The following TSEN2 variants were observed in gnomAD, a reference collection of about 807,000 sequenced individuals.
TSEN2 encodes the protein tRNA-splicing endonuclease subunit Sen2.
Under a neutral mutation model 59.2 loss-of-function variants are expected in TSEN2, and 54 were observed. That is an observed-to-expected ratio of 0.91 (90% CI 0.73 to 1.14). The LOEUF is 1.14. Ranked by LOEUF, TSEN2 falls within the 50% of genes most tolerant of loss-of-function variation. The pLI, the probability that TSEN2 is intolerant of heterozygous loss-of-function variation, is 0.00. For synonymous variants in TSEN2, 195 were observed against 198.2 expected, an observed-to-expected ratio of 0.98 and a Z score of 0.14; for missense variants, 636 against 576.2, an observed-to-expected ratio of 1.10 and a Z score of -1.06.
rs1433951857 is a variant in TSEN2 at position 12,490,000 on chromosome 3, G to A, written c.189+11G>A. On this transcript the variant is annotated intron_variant, in intron 2 of 11. Transcript: ENST00000284995. The stretch of plus-strand genomic sequence containing the variant: ...CAGCTCTATGGGAAAGTAAGTGCAG[G>A]CAGCCTTGGTAAGATTACTTTCAGA... The A allele has an allele frequency of 1.9e-6, 3 of 1,613,626 alleles. No homozygotes were observed. In the African/African-American group the frequency reaches 4.0e-5, roughly 22 times the overall value.
intron 8 of TSEN2, among the ~76,000 whole-genome samples, chr3:12,519,607 G>T (rs947795138): frequency 6.6e-6 from 1 of 152,118 alleles, no homozygotes; most frequent in African/African-American, 2.4e-5. Context: ...TTAGCTGGGC[G>T]TGGTAGCGGG....
At chr3:12,497,284 C>T (rs1329906074) in intron 4 of TSEN2, among the ~76,000 whole-genome samples, 1 of 152,252 alleles carries the variant, frequency 6.6e-6, no homozygotes, top group African/African-American at 2.4e-5. Context: ...ACCTCCTTGT[C>T]CCTGTGATAC....
chr3:12,503,215 A>T, intron 4 of TSEN2, 47 bp from the exon 5 acceptor site: 1 of 1,612,832 alleles, frequency 6.2e-7, no homozygotes, highest in Non-Finnish European at 8.5e-7. Flanking sequence ...TTGTTTTTTC[A>T]ATTTTGAAAT....
chr3:12,482,107 T>C (rs2052200095), upstream of TSEN2, among the ~76,000 whole-genome samples: 1 of 151,902 alleles, frequency 6.6e-6, no homozygotes, highest in Admixed American at 6.6e-5. Context: ...ATACCAAAGG[T>C]TGAAGGTTGT....
At chr3:12,529,009 G>A (rs2057289990) in intron 9 of TSEN2, 85 bp downstream of exon 9, 2 of 1,389,168 alleles carry the variant, frequency 1.4e-6, no homozygotes, top group East Asian at 2.3e-5. Context: ...GGTGCCATAG[G>A]AACAAAAGTC....
downstream of TSEN2, among the ~76,000 whole-genome samples, chr3:12,537,638 G>T (rs539633212): frequency 9.9e-5 from 15 of 152,244 alleles, no homozygotes; most frequent in South Asian, 6.2e-4. Context: ...TGCTGGGGTT[G>T]TCCTCTTGAC....
chr3:12,523,123 C>G (rs1161280780), intron 8 of TSEN2, among the ~76,000 whole-genome samples: 1 of 152,122 alleles, frequency 6.6e-6, no homozygotes, highest in Non-Finnish European at 1.5e-5. Flanking sequence ...CCCTATCTTC[C>G]TACCATACCT....
chr3:12,495,314 C>G (rs1163989167), intron 3 of TSEN2, among the ~76,000 whole-genome samples: 2 of 152,072 alleles, frequency 1.3e-5, no homozygotes, highest in Non-Finnish European at 2.9e-5. Context: ...ACTGCAACCT[C>G]CACCTCCTGG....
intron 8 of TSEN2, among the ~76,000 whole-genome samples, chr3:12,521,215 A>G (rs1393754024): frequency 6.6e-6 from 1 of 151,922 alleles, no homozygotes; most frequent in Non-Finnish European, 1.5e-5. Context: ...GATAATGACT[A>G]AAGGTCTGCT....
chr3:12,487,084 A>G (rs1699362), intron 1 of TSEN2, among the ~76,000 whole-genome samples: 71,688 of 152,044 alleles, frequency 0.47, 17,607 homozygotes, highest in African/African-American at 0.55. Flanking sequence ...TGTCGTAACT[A>G]TGTGTTTGAC....
At chr3:12,529,042 A>T in intron 9 of TSEN2, 118 bp downstream of exon 9, 1 of 973,564 alleles carries the variant, frequency 1.0e-6, no homozygotes, top group Non-Finnish European at 1.7e-6. Context: ...GCCTGATACG[A>T]ATAGATGCTA....
At position 12,518,555 on chromosome 3, in the gene TSEN2, G is replaced by A. The variant is rs187398854; in HGVS notation, c.961-504G>A. 7.2e-5 allele frequency among the ~76,000 whole-genome samples: 11 copies of A among 152,314 alleles called. No individual in the cohort carries two copies. The East Asian group carries it at 2.1e-3, about 29-fold the overall frequency. ...GCTGTGCAATAGAAGGACAGTGAGA[G>A]CCTCAGATGGGAGCCATGTGTATAA... On this transcript the variant is annotated intron_variant, in intron 7 of 11. Coordinates refer to ENST00000284995, the MANE Select transcript of TSEN2 (RefSeq NM_025265.4).
chr3:12,509,208 T>G (rs1207128720), intron 6 of TSEN2, among the ~76,000 whole-genome samples: 1 of 46,004 alleles, frequency 2.2e-5, no homozygotes, highest in East Asian at 2.7e-4. Context: ...TTTGTTGTTG[T>G]TTTTTTTTTT....
chr3:12,529,910 T>G (rs1479439489), intron 10 of TSEN2, 37 bp downstream of exon 10: 1 of 1,595,468 alleles, frequency 6.3e-7, no homozygotes, highest in South Asian at 1.2e-5. Context: ...GAGTGTCACT[T>G]AAATGGTTCA....
chr3:12,519,832 C>T (rs1360331564), intron 8 of TSEN2, among the ~76,000 whole-genome samples: 1 of 152,198 alleles, frequency 6.6e-6, no homozygotes, highest in East Asian at 1.9e-4. Context: ...AGTCCCTTAT[C>T]CCCGGGCCTC....
At chr3:12,489,667 C>CT (rs1222738903) in intron 1 of TSEN2, 117 bp from the exon 2 acceptor site, 3 of 802,718 alleles carry the variant, frequency 3.7e-6, no homozygotes, top group East Asian at 2.7e-5. Context: ...TATAAATACT[C>CT]TATTTCTTCC....
At position 12,529,849 on chromosome 3, in the gene TSEN2, C is replaced by G; in HGVS notation, c.1224C>G (p.Ser408Arg). 1 of 1,614,020 alleles carries G rather than the reference C, an allele frequency of 6.2e-7. No individual in the cohort carries two copies. Residue 408 changes from serine to arginine, a missense_variant, in exon 10 of 12, where the codon AGC becomes AGG. Coordinates refer to ENST00000284995, the MANE Select transcript of TSEN2 (RefSeq NM_025265.4). ...GTTGGAAGTCCCTGGCTGCCTTGAGCAGAGTTTCCGTTAATGTCTCTAAGG... is the reference window on the plus strand; with the variant it reads ...GTTGGAAGTCCCTGGCTGCCTTGAGGAGAGTTTCCGTTAATGTCTCTAAGG... ...PLSWKSLAALSRVSVNVSKEL... is the reference protein window; with the variant it reads ...PLSWKSLAALRRVSVNVSKEL...
chr3:12,481,176 G>A (rs2052189440), upstream of TSEN2, among the ~76,000 whole-genome samples: 2 of 152,204 alleles, frequency 1.3e-5, no homozygotes, highest in Admixed American at 1.3e-4. Context: ...TGGAGGTTCT[G>A]GGCACATTTC....
In TSEN2 at chr3:12,529,766, T is replaced by TC; in HGVS notation, c.1142dup (p.Val382CysfsTer7). On this transcript the variant is annotated frameshift_variant, in exon 10 of 12. Coordinates refer to ENST00000284995, the MANE Select transcript of TSEN2 (RefSeq NM_025265.4). LOFTEE classifies it high-confidence loss of function. ...TGCTTTTTCTGTATTTTCCAGTTATTCTGTCATTATCGAGCTAGTTGATGA... is the reference window on the plus strand; with the variant it reads ...TGCTTTTTCTGTATTTTCCAGTTATTCCTGTCATTATCGAGCTAGTTGATGA... The TC allele has an allele frequency of 6.2e-7, 1 of 1,613,910 alleles. No homozygotes were observed. The highest frequency in any genetic ancestry group is 8.5e-7 in the Non-Finnish European group (1 of 1,179,798).
Sources: allele counts gnomAD v4.1 joint callset (sites outside exome capture counted in the v4.1 genomes callset), GRCh38; gene constraint gnomAD v4.1.1; transcripts MANE v1.5; gene names NCBI Gene and HGNC (gene_info 2026-07-23, HGNC 2026-07-21).